Variants in MAGI1 observed in about 807,000 individuals in gnomAD.
MAGI1 encodes the protein membrane associated guanylate kinase, WW and PDZ domain containing 1, also known as membrane-associated guanylate kinase, WW and PDZ domain-containing protein 1.
A neutral mutation model predicts 139.9 loss-of-function variants in MAGI1; 58 were observed. That is an observed-to-expected ratio of 0.41 (90% confidence interval 0.34 to 0.52). MAGI1 has a LOEUF of 0.52. Ranked by LOEUF, MAGI1 falls within the 20% of genes least tolerant of loss-of-function variation. The pLI is 0.12. For missense variants in MAGI1, 1,874 were observed against 1,901.6 expected, an observed-to-expected ratio of 0.99 and a Z score of 0.27; for synonymous variants, 812 against 737.9, an observed-to-expected ratio of 1.10 and a Z score of -1.63.
chr3:65,609,912 C>A, intron 2 of MAGI1: 1 of 26,490 alleles, frequency 3.8e-5, no homozygotes, highest in Middle Eastern at 7.6e-4. Context: ...TGTTAGAACC[C>A]GCATATGACT....
intron 1 of MAGI1, among the ~76,000 whole-genome samples, chr3:65,664,335 C>T (rs1463619218): frequency 1.3e-5 from 2 of 152,100 alleles, no homozygotes; most frequent in Non-Finnish European, 2.9e-5. Flanking sequence ...ATTACTACCA[C>T]CAATAACAAT....
At chr3:65,371,875 G>T (rs548599173) in intron 18 of MAGI1, 3 of 439,274 alleles carry the variant, frequency 6.8e-6, no homozygotes, top group African/African-American at 2.0e-5. Context: ...CACATCTTCC[G>T]GCTCCACTTC....
chr3:65,994,117 T>C (rs927429748), intron 1 of MAGI1, among the ~76,000 whole-genome samples: 4 of 151,622 alleles, frequency 2.6e-5, no homozygotes, highest in African/African-American at 4.8e-5. Flanking sequence ...CTACTAAAAA[T>C]ACAAAAATTA....
At chr3:65,725,915 A>G (rs1006588995) in intron 1 of MAGI1, among the ~76,000 whole-genome samples, 2 of 152,228 alleles carry the variant, frequency 1.3e-5, no homozygotes, top group Non-Finnish European at 1.5e-5. Flanking sequence ...ATTCCAGGTA[A>G]GTTAATTCGT....
rs188243278 is a variant in MAGI1, at chr3:65,702,610, G to A, written c.314-80522C>T. Among the ~76,000 whole-genome samples, 10 of 152,078 alleles carry A rather than the reference G, an allele frequency of 6.6e-5. No homozygotes were observed. The East Asian group carries it at 1.9e-3, about 30-fold the overall frequency. On this transcript the variant is annotated intron_variant, in intron 1 of 22. Coordinates refer to ENST00000402939, the MANE Select transcript of MAGI1 (RefSeq NM_001033057.2). ...TTAAATGCTCTTGACTCTTCTACAC[G>A]CCTTTGCATCCTTCAGGGCACAGCC...
intron 18 of MAGI1, among the ~76,000 whole-genome samples, chr3:65,371,708 A>C (rs1559503202): frequency 6.6e-6 from 1 of 152,216 alleles, no homozygotes; most frequent in Non-Finnish European, 1.5e-5. Flanking sequence ...TATTAACTTA[A>C]GTTGATTTAA....
chr3:65,980,776 T>C (rs1370263124), intron 1 of MAGI1, among the ~76,000 whole-genome samples: 1 of 152,200 alleles, frequency 6.6e-6, no homozygotes, highest in Non-Finnish European at 1.5e-5. Context: ...AGATTATATA[T>C]GTGCTGTAGA....
intron 1 of MAGI1, among the ~76,000 whole-genome samples, chr3:65,629,633 T>C (rs1237366558): frequency 2.6e-5 from 4 of 152,100 alleles, no homozygotes; most frequent in African/African-American, 9.7e-5. Context: ...CACAAAATTA[T>C]AAATTGAAAA....
At chr3:65,436,285 T>C (rs1210688212) in intron 10 of MAGI1, among the ~76,000 whole-genome samples, 1 of 152,176 alleles carries the variant, frequency 6.6e-6, no homozygotes, top group East Asian at 1.9e-4. Context: ...AGACAAATTT[T>C]ATAGTATTTT....
At chr3:66,029,749 T>C (rs145989235) in intron 1 of MAGI1, among the ~76,000 whole-genome samples, 1 of 152,282 alleles carries the variant, frequency 6.6e-6, no homozygotes, top group East Asian at 1.9e-4. Flanking sequence ...AATCCTGACC[T>C]AGAGTTGCCT....
At chr3:65,479,727 G>C (rs1005046795) in intron 3 of MAGI1, among the ~76,000 whole-genome samples, 13 of 152,084 alleles carry the variant, frequency 8.5e-5, no homozygotes, top group Non-Finnish European at 1.8e-4. Flanking sequence ...TAATAGGGAT[G>C]GTAGTAATAA....
intron 1 of MAGI1, among the ~76,000 whole-genome samples, chr3:65,927,994 C>G (rs2566353): frequency 0.21 from 32,227 of 152,166 alleles, 3,519 homozygotes; most frequent in African/African-American, 0.24. Flanking sequence ...AATTGCAACC[C>G]AAGTCCCTTC....
chr3:65,453,577 TA>T (rs1376612234), intron 5 of MAGI1, among the ~76,000 whole-genome samples: 1 of 152,136 alleles, frequency 6.6e-6, no homozygotes, highest in Non-Finnish European at 1.5e-5. Context: ...ACTGAAAGCT[TA>T]AAAAATAATA....
At chr3:65,511,435 G>C (rs1187537695) in intron 2 of MAGI1, among the ~76,000 whole-genome samples, 1 of 125,434 alleles carries the variant, frequency 8.0e-6, no homozygotes, top group East Asian at 2.5e-4. Context: ...ACACACATAG[G>C]CTCAAAATAA....
rs148405539 is a variant in MAGI1 at position 65,372,718 on chromosome 3, G to A, written c.3196+3027C>T. Among the ~76,000 whole-genome samples, 244 of 152,258 alleles carry A rather than the reference G, an allele frequency of 1.6e-3. 1 individual carries two copies. Among genetic ancestry groups the A allele is most frequent in the African/African-American group, 5.7e-3 (238 of 41,548 alleles). On this transcript the variant is annotated intron_variant, in intron 18 of 22. Transcript: ENST00000402939. ...ATGATCTTAATAATTAAATCCGCTG[G>A]AAAACTAGCTGCAGTTTTATATTTG...
At chr3:65,421,802 G>C (rs963668688) in intron 12 of MAGI1, among the ~76,000 whole-genome samples, 1 of 152,102 alleles carries the variant, frequency 6.6e-6, no homozygotes, top group African/African-American at 2.4e-5. Flanking sequence ...TTGCCCCCAA[G>C]CACTTATACT....
intron 1 of MAGI1, among the ~76,000 whole-genome samples, chr3:65,875,826 C>T (rs750302423): frequency 1.3e-5 from 2 of 152,176 alleles, no homozygotes; most frequent in African/African-American, 2.4e-5. Context: ...TGTCTCAGCT[C>T]GTTAAATTTT....
At chr3:65,995,174 C>T (rs755851822) in intron 1 of MAGI1, among the ~76,000 whole-genome samples, 6 of 152,208 alleles carry the variant, frequency 3.9e-5, no homozygotes, top group Non-Finnish European at 7.3e-5. Context: ...TGATGAGTCA[C>T]TCAGCCTTGG....
intron 3 of MAGI1, among the ~76,000 whole-genome samples, chr3:65,484,310 G>A (rs1257964577): frequency 2.0e-5 from 3 of 152,066 alleles, no homozygotes; most frequent in Non-Finnish European, 4.4e-5. Flanking sequence ...AAGGTAAATG[G>A]GGGTGGGAAT....
Sources: gnomAD v4.1 joint callset for allele counts (sites outside exome capture counted in the v4.1 genomes callset) on GRCh38, gnomAD v4.1.1 for gene constraint, MANE v1.5 for transcripts, NCBI Gene and HGNC (gene_info 2026-07-23, HGNC 2026-07-21) for gene names.